The following KIF5A variants were observed in gnomAD, a reference collection of about 807,000 sequenced individuals.
The protein encoded by KIF5A is kinesin heavy chain isoform 5A.
A neutral mutation model predicts 141.3 loss-of-function variants in KIF5A; 35 were observed. The observed-to-expected ratio is 0.25, with a 90% CI of 0.19 to 0.33. The LOEUF (loss-of-function observed/expected upper bound fraction) is 0.33, where lower values mean the gene tolerates loss of function less well. KIF5A is among the 10% of genes least tolerant of loss of function. The probability of loss-of-function intolerance (pLI) is 1.00; values close to 1 mark genes in which losing one functional copy is unlikely to be tolerated. For synonymous variants in KIF5A, 448 were observed against 500.2 expected, an observed-to-expected ratio of 0.90 and a Z score of 1.39; for missense variants, 861 against 1,314.3, an observed-to-expected ratio of 0.66 and a Z score of 5.33.
chr12:57,585,426 C>A lies in KIF5A; in HGVS notation c.*1245C>A, dbSNP rs1205097716. ...TTGACCCTGAGGGGTCTTCTCCCAG[C>A]CATTCTCAGCCCATATGCAGCACCC... On this transcript the variant is annotated 3_prime_UTR_variant, in exon 29 of 29. Transcript: ENST00000455537. 6.5e-6 allele frequency: 1 copy of A among 154,436 alleles called. No individual in the cohort carries two copies. Among genetic ancestry groups the A allele is most frequent in the Non-Finnish European group, 1.5e-5 (1 of 68,278 alleles). 9.6% of individuals were successfully genotyped at this position (154,436 alleles called of 1,614,324 possible). A position where few individuals can be genotyped will look rare whatever the true frequency, so the allele number is the denominator to read the frequency against.
At chr12:57,580,906 T>C (rs1212673890) in intron 23 of KIF5A, 50 bp from the exon 24 acceptor site, 4 of 1,575,812 alleles carry the variant, frequency 2.5e-6, no homozygotes, top group Non-Finnish European at 3.5e-6. Context: ...GGTGACCGTC[T>C]TGGGTCACTT....
chr12:57,560,382 A>G (rs868460208), intron 1 of KIF5A, among the ~76,000 whole-genome samples: 2 of 152,230 alleles, frequency 1.3e-5, no homozygotes, highest in Admixed American at 1.3e-4. Flanking sequence ...ATCAATTCTT[A>G]GAAGTAGAAT....
At chr12:57,577,914 T>A in intron 21 of KIF5A, 95 bp from the exon 22 acceptor site, 1 of 1,248,330 alleles carries the variant, frequency 8.0e-7, no homozygotes, top group Non-Finnish European at 1.2e-6. Context: ...GATAAGTGAC[T>A]CACTTGATTA....
At position 57,551,998 on chromosome 12, in the gene KIF5A, AAAAAC is replaced by A. The variant is rs371860261; in HGVS notation, c.129+1621_129+1625del. 7.7e-3 allele frequency among the ~76,000 whole-genome samples: 1,162 copies of A among 151,846 alleles called. 8 individuals are homozygous for A. The highest frequency in any genetic ancestry group is 0.024 in the South Asian group (113 of 4,808). On this transcript the variant is annotated intron_variant, in intron 1 of 28. Coordinates refer to ENST00000455537, the MANE Select transcript of KIF5A (RefSeq NM_004984.4). Reference sequence around the variant, plus strand: ...GCAGTCTGTTCAGTCTGGCTGGGCTAAAAACAAAACAAAACAAAACAAAACAACCA... The same window carrying A: ...GCAGTCTGTTCAGTCTGGCTGGGCTAAAAACAAAACAAAACAAAACAACCA...
At chr12:57,561,954 C>A (rs560572446) in intron 1 of KIF5A, among the ~76,000 whole-genome samples, 4 of 152,300 alleles carry the variant, frequency 2.6e-5, no homozygotes, top group African/African-American at 9.6e-5. Context: ...GTCTGTAGAT[C>A]TTGAGGTTTA....
rs1882755213 is a variant in KIF5A, at chr12:57,586,184, T to C, written c.*2003T>C. On this transcript the variant is annotated 3_prime_UTR_variant, in exon 29 of 29. Coordinates refer to ENST00000455537, the MANE Select transcript of KIF5A (RefSeq NM_004984.4). ...GGTGGAAGGAAGGTTCCTGTGGGCC[T>C]GTGGACTTAGGCTAATATTTGCTGT... 6.6e-6 allele frequency: 1 copy of C among 152,154 alleles called. No homozygotes were observed. Among genetic ancestry groups the C allele is most frequent in the Non-Finnish European group, 1.5e-5 (1 of 68,036 alleles). 9.4% of individuals were successfully genotyped at this position (152,154 alleles called of 1,614,324 possible). A position where few individuals can be genotyped will look rare whatever the true frequency, so the allele number is the denominator to read the frequency against.
At chr12:57,576,708 C>T in intron 19 of KIF5A, 53 bp from the exon 20 acceptor site, 1 of 1,320,696 alleles carries the variant, frequency 7.6e-7, no homozygotes. Context: ...CCTTCCCTTC[C>T]CCCTCATTAA....
chr12:57,558,750 C>T (rs1239453603), intron 1 of KIF5A, among the ~76,000 whole-genome samples: 1 of 152,180 alleles, frequency 6.6e-6, no homozygotes, highest in East Asian at 1.9e-4. Flanking sequence ...CTTATCAGCA[C>T]ATAAAGATTT....
rs763057441 is a variant in KIF5A at position 57,567,621 on chromosome 12, AG to A, written c.714+8del. ...TGGACCTGGCAGGGAGTGAGAAGGT[AG>A]GGGGTCCTGTGGATATGGGGTGGGT... On this transcript the variant is annotated splice_donor_region_variant and intron_variant, in intron 8 of 28. Transcript: ENST00000455537. The A allele has an allele frequency of 2.0e-6, 3 of 1,511,988 alleles. No homozygotes were observed. The highest frequency in any genetic ancestry group is 1.1e-5 in the South Asian group (1 of 89,118). 93.7% of individuals were successfully genotyped at this position (1,511,988 alleles called of 1,614,324 possible).
chr12:57,574,719 T>A (rs1324364790), intron 15 of KIF5A, among the ~76,000 whole-genome samples: 1 of 151,894 alleles, frequency 6.6e-6, no homozygotes, highest in East Asian at 1.9e-4. Context: ...TAGCTGGGAT[T>A]ACAGGCATGT....
chr12:57,574,124 A>G (rs893693835), intron 15 of KIF5A, among the ~76,000 whole-genome samples: 2 of 151,678 alleles, frequency 1.3e-5, no homozygotes, highest in African/African-American at 4.8e-5. Flanking sequence ...CAGTGCTTGC[A>G]GTAGGAGTTA....
intron 2 of KIF5A, 38 bp downstream of exon 2, chr12:57,563,564 C>T (rs921704383): frequency 6.8e-6 from 11 of 1,606,434 alleles, no homozygotes; most frequent in Non-Finnish European, 9.4e-6. Context: ...TTCTCAGCAC[C>T]CCATTTCCTA....
chr12:57,572,824 A>G lies in KIF5A; in HGVS notation c.1716+98A>G. On this transcript the variant is annotated intron_variant, in intron 15 of 28. Coordinates refer to ENST00000455537, the MANE Select transcript of KIF5A (RefSeq NM_004984.4). This position sits in a 1 kb window ranked among gnomAD's most constrained non-coding sequence, Gnocchi z 4.2. The stretch of plus-strand genomic sequence containing the variant: ...TTCACAGATACTGAGAAAGGCAGCC[A>G]GAGAGCCAGGAAACATGCCTTTGAA... 1 of 1,431,340 alleles carries G rather than the reference A, an allele frequency of 7.0e-7. No homozygotes were observed. Among genetic ancestry groups the G allele is most frequent in the South Asian group, 1.1e-5 (1 of 86,996 alleles). 88.7% of individuals were successfully genotyped at this position (1,431,340 alleles called of 1,614,324 possible).
At chr12:57,566,405 C>T (rs924715262) in intron 6 of KIF5A, among the ~76,000 whole-genome samples, 7 of 149,992 alleles carry the variant, frequency 4.7e-5, no homozygotes, top group East Asian at 4.0e-4. Flanking sequence ...CACCTGGCTG[C>T]GACAGTGTTT....
In KIF5A at chr12:57,550,377, G is replaced by A; in HGVS notation, c.106G>A (p.Gly36Arg). 6.2e-7 allele frequency: 1 copy of A among 1,614,194 alleles called. No homozygotes were observed. Among genetic ancestry groups the A allele is most frequent in the East Asian group, 2.2e-5 (1 of 44,880 alleles). Residue 36 changes from glycine to arginine, a missense_variant, in exon 1 of 29, where the codon GGG becomes AGG. By Grantham distance (125) the Gly-to-Arg change is moderately radical. Around this residue, in one of 5 missense-constraint regions of KIF5A, gnomAD observed 59 missense variants for 81.1 expected, o/e 0.73. Transcript: ENST00000455537. The surrounding 1 kb of genome is among the most constrained non-coding windows in gnomAD (Gnocchi z 4.6). ...RGDKFIPIFQ[G>R]DDSVVIGGKP... Reference sequence around the variant, plus strand: ...AGACAAGTTCATCCCCATTTTCCAAGGGGACGACAGCGTCGTTATTGGGGT... The same window carrying A: ...AGACAAGTTCATCCCCATTTTCCAAAGGGACGACAGCGTCGTTATTGGGGT...
Position 57,572,765 on chromosome 12 carries a change from A to G in KIF5A, c.1716+39A>G, listed in dbSNP as rs763756837. 7.4e-6 allele frequency: 12 copies of G among 1,613,438 alleles called. No homozygotes were observed. In the South Asian group the frequency reaches 1.2e-4, roughly 16 times the overall value. ...GACAGCAGCCTTGTTCAGGCTGGGC[A>G]CTAGTGGAAGACGCAAGATGAGCCA... On this transcript the variant is annotated intron_variant, in intron 15 of 28. Transcript: ENST00000455537. This position sits in a 1 kb window ranked among gnomAD's most constrained non-coding sequence, Gnocchi z 4.2.
intron 1 of KIF5A, among the ~76,000 whole-genome samples, chr12:57,556,499 T>G (rs1044422696): frequency 6.6e-6 from 1 of 151,982 alleles, no homozygotes; most frequent in Non-Finnish European, 1.5e-5. Flanking sequence ...TCTCTGCTCT[T>G]TTCTTTCTTC....
chr12:57,583,214 A>T lies in KIF5A; in HGVS notation c.*35A>T. Reference sequence around the variant, plus strand: ...CCCACGGCTGCATACCTGCACTTTCAGGTAGCGTCAGGCTGCTTCCTCGGA... The same window carrying T: ...CCCACGGCTGCATACCTGCACTTTCTGGTAGCGTCAGGCTGCTTCCTCGGA... On this transcript the variant is annotated splice_region_variant and 3_prime_UTR_variant, in exon 28 of 29. Transcript: ENST00000455537. 6.3e-7 allele frequency: 1 copy of T among 1,580,182 alleles called. No individual in the cohort carries two copies. The highest frequency in any genetic ancestry group is 8.7e-7 in the Non-Finnish European group (1 of 1,153,128).
chr12:57,581,550 G>A lies in KIF5A; in HGVS notation c.2891G>A (p.Ser964Asn). Residue 964 changes from serine to asparagine, a missense_variant, in exon 25 of 29, where the codon AGC becomes AAC. Ser to Asn is a conservative substitution (Grantham distance 46). Coordinates refer to ENST00000455537, the MANE Select transcript of KIF5A (RefSeq NM_004984.4). Reference protein sequence around the residue: ...YQNLYLQATPSSTSDMYFANS... With the variant: ...YQNLYLQATPNSTSDMYFANS... ...AATCTCTACCTGCAGGCCACACCCA[G>A]CTCCACCTCAGATATGTAGTGAGTG... 6.2e-7 allele frequency: 1 copy of A among 1,614,046 alleles called. No individual in the cohort carries two copies. Among genetic ancestry groups the A allele is most frequent in the East Asian group, 2.2e-5 (1 of 44,880 alleles).
Sources: allele counts gnomAD v4.1 joint callset (sites outside exome capture counted in the v4.1 genomes callset), GRCh38; gene constraint gnomAD v4.1.1; regional missense constraint gnomAD v4.1.1; non-coding constraint Gnocchi (gnomAD v3.1); transcripts MANE v1.5; gene names NCBI Gene and HGNC (gene_info 2026-07-23, HGNC 2026-07-21).